ITGB6: variants seen among roughly 807,000 people sequenced by gnomAD.
ITGB6 encodes the protein integrin subunit beta 6, also known as integrin beta-6.
Under a neutral mutation model 84.5 loss-of-function variants are expected in ITGB6, and 80 were observed. The observed-to-expected ratio is 0.95, with a 90% confidence interval of 0.79 to 1.14. ITGB6 has a LOEUF of 1.14. Ranked by LOEUF, ITGB6 falls within the 50% of genes most tolerant of loss-of-function variation. The pLI, the probability that ITGB6 is intolerant of heterozygous loss-of-function variation, is 0.00. For synonymous variants in ITGB6, 383 were observed against 354.9 expected (o/e 1.08, Z -0.89); for missense variants, 1,006 against 968.0 (o/e 1.04, Z -0.52).
Position 160,101,635 on chromosome 2 carries a change from C to A in ITGB6, c.*101G>T, listed in dbSNP as rs1228150038. The A allele has an allele frequency of 1.3e-6, 1 of 741,260 alleles. No individual in the cohort carries two copies. Among genetic ancestry groups the A allele is most frequent in the Non-Finnish European group, 2.4e-6 (1 of 417,288 alleles). 45.9% of individuals were successfully genotyped at this position (741,260 alleles called of 1,614,324 possible). Reference sequence around the variant, plus strand: ...TTATCTGCAGATGTCCTATTATTATCTTAAACCAACCTCATTTTGAAGCAA... The same window carrying A: ...TTATCTGCAGATGTCCTATTATTATATTAAACCAACCTCATTTTGAAGCAA... On this transcript the variant is annotated 3_prime_UTR_variant, in exon 15 of 15. Transcript: ENST00000283249.
intron 14 of ITGB6, among the ~76,000 whole-genome samples, chr2:160,102,365 G>A (rs1696753578): frequency 6.6e-6 from 1 of 152,218 alleles, no homozygotes. Context: ...TCAAAACTCA[G>A]AAGTGGGAGA....
chr2:160,143,024 A>G (rs765915656), intron 7 of ITGB6, among the ~76,000 whole-genome samples: 1 of 152,224 alleles, frequency 6.6e-6, no homozygotes, highest in Non-Finnish European at 1.5e-5. Flanking sequence ...ATGCTGGCTC[A>G]CATCTGTAAT....
chr2:160,191,748 A>G (rs1686152277), intron 4 of ITGB6, among the ~76,000 whole-genome samples: 1 of 152,186 alleles, frequency 6.6e-6, no homozygotes, highest in Non-Finnish European at 1.5e-5. Context: ...TGATGTGATC[A>G]TATACACAGA....
At chr2:160,128,046 C>T (rs946467576) in intron 10 of ITGB6, among the ~76,000 whole-genome samples, 3 of 152,174 alleles carry the variant, frequency 2.0e-5, no homozygotes, top group African/African-American at 7.2e-5. Flanking sequence ...CTACTTAACA[C>T]ACTTTAATTG....
intron 7 of ITGB6, among the ~76,000 whole-genome samples, chr2:160,158,021 G>T (rs1684691040): frequency 6.6e-6 from 1 of 152,146 alleles, no homozygotes. Flanking sequence ...TTTACCCCCA[G>T]GCTCAACTGT....
chr2:160,103,361 C>G (rs909483576), intron 14 of ITGB6, among the ~76,000 whole-genome samples: 4 of 152,212 alleles, frequency 2.6e-5, no homozygotes, highest in African/African-American at 4.8e-5. Context: ...GGCCTGACCT[C>G]TGACTAAGTG....
intron 11 of ITGB6, among the ~76,000 whole-genome samples, chr2:160,124,209 T>C (rs950077108): frequency 1.3e-5 from 2 of 152,242 alleles, no homozygotes; most frequent in Admixed American, 6.5e-5. Flanking sequence ...CTGTTTTCAT[T>C]TACTTTTTCC....
In ITGB6 at chr2:160,174,136, A is replaced by G. The variant is rs763670436; in HGVS notation, c.597T>C (p.Ser199=). Residue 199 remains serine, a synonymous_variant, in exon 5 of 15, where the codon AGT becomes AGC. Transcript: ENST00000283249. The part of the protein sequence containing the change: ...TPEEIANPCS[S]IPYFCLPTFG... ...ATGTAGGTAAACAGAAGTATGGAAT[A>G]CTACTGCAAAAGTAAGATGCAAAAA... The G allele has an allele frequency of 9.4e-6, 15 of 1,596,930 alleles. No homozygotes were observed. Among genetic ancestry groups the G allele is most frequent in the African/African-American group, 1.3e-5 (1 of 74,214 alleles).
chr2:160,151,812 T>A, intron 7 of ITGB6, among the ~76,000 whole-genome samples: 1 of 152,088 alleles, frequency 6.6e-6, no homozygotes, highest in East Asian at 1.9e-4. Flanking sequence ...AAGAATACTA[T>A]AAATACCTCA....
intron 12 of ITGB6, among the ~76,000 whole-genome samples, chr2:160,116,748 T>C (rs1400645868): frequency 2.0e-5 from 3 of 152,188 alleles, no homozygotes; most frequent in Non-Finnish European, 4.4e-5. Context: ...GACCCATCAG[T>C]GTGCTGTATT....
intron 12 of ITGB6, among the ~76,000 whole-genome samples, chr2:160,119,781 A>G (rs1471494544): frequency 6.6e-6 from 1 of 152,026 alleles, no homozygotes; most frequent in Non-Finnish European, 1.5e-5. Flanking sequence ...ACAAAGGGCT[A>G]ATATCCAGAA....
intron 10 of ITGB6, among the ~76,000 whole-genome samples, chr2:160,128,311 A>G (rs1056313639): frequency 1.3e-5 from 2 of 151,796 alleles, no homozygotes; most frequent in Non-Finnish European, 2.9e-5. Context: ...TCAGGAATAC[A>G]TGTGGAATCA....
In ITGB6 at chr2:160,101,811, T is replaced by A. The variant is rs562179348; in HGVS notation, c.2292A>T (p.Gly764=). 26 of 1,590,936 alleles carry A rather than the reference T, an allele frequency of 1.6e-5. No homozygotes were observed. Among genetic ancestry groups the A allele is most frequent in the Middle Eastern group, 3.3e-4 (2 of 6,022 alleles). The part of the protein sequence containing the change: ...WQTGTNPLYR[G]STSTFKNVTY... ...TTACATTTTTAAAAGTACTTGTGGATCCTCTGTAGAGTGGATTGGTTCCCT... is the reference window on the plus strand; with the variant it reads ...TTACATTTTTAAAAGTACTTGTGGAACCTCTGTAGAGTGGATTGGTTCCCT... The change falls in exon 15 of 15, where the codon GGA becomes GGT. Residue 764 remains glycine (G), a synonymous_variant. Transcript: ENST00000283249.
intron 7 of ITGB6, among the ~76,000 whole-genome samples, chr2:160,145,115 G>A (rs557889167): frequency 5.9e-5 from 9 of 152,160 alleles, no homozygotes; most frequent in African/African-American, 2.2e-4. Context: ...ATTATAAATC[G>A]TTGTAATTAA....
At chr2:160,193,938 C>T (rs1005424023) in intron 4 of ITGB6, among the ~76,000 whole-genome samples, 1 of 152,170 alleles carries the variant, frequency 6.6e-6, no homozygotes, top group East Asian at 1.9e-4. Context: ...GGGTGGATCG[C>T]TTGAGGTCAG....
chr2:160,178,383 T>C (rs886311728), intron 4 of ITGB6, among the ~76,000 whole-genome samples: 3 of 152,250 alleles, frequency 2.0e-5, no homozygotes, highest in African/African-American at 7.2e-5. Flanking sequence ...TACTGGTTCA[T>C]ACCATACCGA....
chr2:160,104,146 T>C (rs532442133), intron 14 of ITGB6, among the ~76,000 whole-genome samples: 13 of 152,298 alleles, frequency 8.5e-5, no homozygotes, highest in African/African-American at 2.9e-4. Context: ...ACATTGCTTA[T>C]AGGGAGTGAT....
intron 7 of ITGB6, among the ~76,000 whole-genome samples, chr2:160,159,631 C>T (rs2105850332): frequency 6.6e-6 from 1 of 152,202 alleles, no homozygotes; most frequent in African/African-American, 2.4e-5. Context: ...GCCAACTGGC[C>T]TTTTTTCCTT....
chr2:160,117,614 C>T (rs1255016416), intron 12 of ITGB6, among the ~76,000 whole-genome samples: 1 of 151,954 alleles, frequency 6.6e-6, no homozygotes, highest in Non-Finnish European at 1.5e-5. Flanking sequence ...ACTAGAAAAG[C>T]AAGAGCAAAC....
Sources: gnomAD v4.1 joint callset for allele counts (sites outside exome capture counted in the v4.1 genomes callset) on GRCh38, gnomAD v4.1.1 for gene constraint, MANE v1.5 for transcripts, NCBI Gene and HGNC (gene_info 2026-07-23, HGNC 2026-07-21) for gene names.